The following CDKL5 variants were observed in gnomAD, a reference collection of about 807,000 sequenced individuals.
CDKL5 encodes cyclin-dependent kinase-like 5.
In CDKL5, 8 loss-of-function variants were observed where a neutral mutation model predicts 61.7. The ratio of observed to expected loss-of-function variants is 0.13; its 90% CI spans 0.08 to 0.23. The LOEUF (loss-of-function observed/expected upper bound fraction) is 0.23, where lower values mean the gene tolerates loss of function less well. Among genes scored for constraint, CDKL5 ranks in the 10% least tolerant of loss-of-function variants. The probability of loss-of-function intolerance (pLI) is 1.00; values close to 1 mark genes in which losing one functional copy is unlikely to be tolerated. For synonymous variants in CDKL5, 275 were observed against 272.3 expected (o/e 1.01, Z -0.10); for missense variants, 440 against 734.5 (o/e 0.60, Z 4.63).
chrX:18,481,370 T>TTCTTTCTTTC (rs1569192146), intron 1 of CDKL5, among the ~76,000 whole-genome samples: 1 of 92,992 alleles, frequency 1.1e-5, no homozygotes, highest in African/African-American at 4.1e-5. Flanking sequence ...CTTTCTTTCT[T>TTCTTTCTTTC]TTGAGGCAGG....
chrX:18,427,717 A>AT (rs751352344), intron 1 of CDKL5, among the ~76,000 whole-genome samples: 98 of 111,126 alleles, frequency 8.8e-4, no homozygotes, highest in Non-Finnish European at 1.4e-3. Flanking sequence ...AATCCGATAT[A>AT]TTTTTTTTAA....
chrX:18,571,895 A>G (rs1398542376), intron 4 of CDKL5, among the ~76,000 whole-genome samples: 1 of 111,391 alleles, frequency 9.0e-6, no homozygotes, highest in Non-Finnish European at 1.9e-5. Flanking sequence ...AAAAGCCTTT[A>G]TTTCCTAAAA....
intron 1 of CDKL5, among the ~76,000 whole-genome samples, chrX:18,505,794 A>G (rs1427665843): frequency 1.8e-5 from 2 of 112,097 alleles, no homozygotes; most frequent in Non-Finnish European, 3.8e-5. Flanking sequence ...TAAAATTACT[A>G]TTTTTCTTCT....
At chrX:18,566,926 C>A (rs1924988625) in intron 4 of CDKL5, among the ~76,000 whole-genome samples, 1 of 111,344 alleles carries the variant, frequency 9.0e-6, no homozygotes, top group South Asian at 3.8e-4. Flanking sequence ...GCCTTATCAC[C>A]CACCCCACCT....
intron 3 of CDKL5, among the ~76,000 whole-genome samples, chrX:18,541,762 C>G (rs1169138126): frequency 1.8e-5 from 2 of 111,820 alleles, no homozygotes; most frequent in Non-Finnish European, 3.8e-5. Context: ...TTAAGCAGTC[C>G]TCCTGTCTTG....
At chrX:18,522,502 GC>G (rs1161026283) in intron 3 of CDKL5, among the ~76,000 whole-genome samples, 10 of 106,164 alleles carry the variant, frequency 9.4e-5, no homozygotes, top group Non-Finnish European at 1.9e-4. Context: ...GCACCACCAC[GC>G]CCAGCTAATT....
At chrX:18,613,789 C>T (rs1926637991) in intron 15 of CDKL5, among the ~76,000 whole-genome samples, 1 of 111,711 alleles carries the variant, frequency 9.0e-6, no homozygotes, top group South Asian at 3.8e-4. Flanking sequence ...CTCTGTGCTA[C>T]CTGTCTGTCA....
intron 3 of CDKL5, among the ~76,000 whole-genome samples, chrX:18,528,643 A>T (rs1923535521): frequency 9.4e-6 from 1 of 106,422 alleles, no homozygotes; most frequent in Non-Finnish European, 1.9e-5. Context: ...TTTATTTATT[A>T]ATTATTTTTA....
intron 3 of CDKL5, among the ~76,000 whole-genome samples, chrX:18,516,301 T>A (rs1458452312): frequency 4.7e-5 from 5 of 107,144 alleles, no homozygotes; most frequent in Middle Eastern, 5.1e-3. Context: ...TTTTTTTTTT[T>A]ATTGCTAAAC....
At chrX:18,495,270 A>C (rs1419595165) in intron 1 of CDKL5, among the ~76,000 whole-genome samples, 1 of 112,550 alleles carries the variant, frequency 8.9e-6, no homozygotes, top group East Asian at 2.8e-4. Context: ...CGTTGAGATG[A>C]AGATTATAAT....
At position 18,485,388 on chromosome X, in the gene CDKL5, C is replaced by A. The variant is rs898197067; in HGVS notation, c.-162-21547C>A. Reference sequence around the variant, plus strand: ...TCTTCCTGCCTCCATGGTGATTTTTCTGAAGTATAACACTGGTAAAATGCT... The same window carrying A: ...TCTTCCTGCCTCCATGGTGATTTTTATGAAGTATAACACTGGTAAAATGCT... On this transcript the variant is annotated intron_variant, in intron 1 of 17. Coordinates refer to ENST00000623535, the MANE Select transcript of CDKL5 (RefSeq NM_001323289.2). 1.7e-4 allele frequency among the ~76,000 whole-genome samples: 19 copies of A among 111,680 alleles called. No homozygotes were observed. In the Middle Eastern group the frequency reaches 0.014, roughly 81 times the overall value.
At chrX:18,511,470 G>A (rs1252658269) in intron 3 of CDKL5, among the ~76,000 whole-genome samples, 2 of 110,428 alleles carry the variant, frequency 1.8e-5, no homozygotes, top group African/African-American at 6.6e-5. Context: ...TGGTGGTCCC[G>A]TAAGATTATG....
Position 18,507,082 on chromosome X carries a change from G to C in CDKL5, c.-15G>C, listed in dbSNP as rs754557968. On this transcript the variant is annotated 5_prime_UTR_variant, in exon 2 of 18. Transcript: ENST00000623535. ...CCATGTTTTGTGGCTTGCATCAAAA[G>C]AGGAGTTTGTCTTCATGAAGATTCC... The C allele has an allele frequency of 2.6e-6, 3 of 1,164,470 alleles. No individual in the cohort carries two copies. In the Admixed American group the frequency reaches 6.6e-5, roughly 26 times the overall value.
intron 1 of CDKL5, among the ~76,000 whole-genome samples, chrX:18,473,237 G>A (rs1431291860): frequency 9.0e-6 from 1 of 111,002 alleles, no homozygotes; most frequent in East Asian, 2.8e-4. Context: ...GGAATTACAG[G>A]TGTGAGCCAC....
chrX:18,519,328 T>G (rs1209994392), intron 3 of CDKL5, among the ~76,000 whole-genome samples: 1 of 112,105 alleles, frequency 8.9e-6, no homozygotes, highest in Non-Finnish European at 1.9e-5. Context: ...TTATCTGACT[T>G]TGTATAGAAA....
chrX:18,609,685 A>G, intron 14 of CDKL5, 115 bp downstream of exon 14: 1 of 1,118,046 alleles, frequency 8.9e-7, no homozygotes, highest in Admixed American at 2.9e-5. Context: ...GTCGCCTTCC[A>G]GCGGTTCTCC....
At chrX:18,453,591 G>C (rs898104573) in intron 1 of CDKL5, among the ~76,000 whole-genome samples, 18 of 111,472 alleles carry the variant, frequency 1.6e-4, no homozygotes, top group African/African-American at 5.9e-4. Context: ...TAAGATTAGT[G>C]GATGTATCAT....
At chrX:18,466,803 A>G (rs1204437036) in intron 1 of CDKL5, among the ~76,000 whole-genome samples, 1 of 111,787 alleles carries the variant, frequency 8.9e-6, no homozygotes, top group Admixed American at 9.5e-5. Flanking sequence ...GTGAGCCACC[A>G]TGCCTGGCTC....
chrX:18,490,881 C>T (rs1253054959), intron 1 of CDKL5, among the ~76,000 whole-genome samples: 1 of 112,078 alleles, frequency 8.9e-6, no homozygotes, highest in East Asian at 2.8e-4. Flanking sequence ...TTAAATAGGA[C>T]ACAAATATCT....
Sources: allele counts gnomAD v4.1 joint callset (sites outside exome capture counted in the v4.1 genomes callset), GRCh38; gene constraint gnomAD v4.1.1; transcripts MANE v1.5; gene names NCBI Gene and HGNC (gene_info 2026-07-23, HGNC 2026-07-21).